MBP: variants seen among roughly 807,000 people sequenced by gnomAD.
MBP encodes myelin basic protein.
In MBP, 16 loss-of-function variants were observed where a neutral mutation model predicts 35.8. That is an observed-to-expected ratio of 0.45 (90% CI 0.30 to 0.68). The LOEUF (loss-of-function observed/expected upper bound fraction) is 0.68. Ranked by LOEUF, MBP falls within the 30% of genes least tolerant of loss-of-function variation. The probability of loss-of-function intolerance (pLI) is 0.08; values close to 1 mark genes in which losing one functional copy is unlikely to be tolerated. For missense variants in MBP, 380 were observed against 404.7 expected (o/e 0.94, Z 0.52); for synonymous variants, 143 against 159.6 (o/e 0.90, Z 0.78).
intron 4 of MBP, among the ~76,000 whole-genome samples, chr18:76,998,742 T>TGA (rs1970468292): frequency 2.0e-5 from 3 of 152,164 alleles, no homozygotes; most frequent in Middle Eastern, 3.2e-3. Flanking sequence ...AGTACAGCCC[T>TGA]GTGTCTGCCC....
At chr18:77,057,573 G>C (rs1288804197) in intron 3 of MBP, among the ~76,000 whole-genome samples, 1 of 152,196 alleles carries the variant, frequency 6.6e-6, no homozygotes, top group East Asian at 1.9e-4. Context: ...GAAGGACAAG[G>C]AGAGAGGAGC....
At chr18:77,126,890 C>T (rs1399543205) in intron 1 of MBP, among the ~76,000 whole-genome samples, 8 of 152,156 alleles carry the variant, frequency 5.3e-5, no homozygotes, top group Non-Finnish European at 8.8e-5. Context: ...TTAAAGAAGA[C>T]CTAATTACCC....
intron 3 of MBP, among the ~76,000 whole-genome samples, chr18:77,018,534 C>T (rs1024008698): frequency 6.7e-6 from 1 of 149,494 alleles, no homozygotes; most frequent in African/African-American, 2.5e-5. Context: ...TACACACACC[C>T]ACCTACCCAT....
At chr18:77,104,513 G>A (rs1358958615) in intron 2 of MBP, among the ~76,000 whole-genome samples, 4 of 152,202 alleles carry the variant, frequency 2.6e-5, no homozygotes, top group African/African-American at 9.6e-5. Context: ...TTCAGTGTGA[G>A]TTCTTCCAGA....
chr18:76,988,982 C>T lies in MBP; in HGVS notation c.682-70G>A, dbSNP rs563205646. ...CCGCCGTCCATTTCCTAACGGGCTC[C>T]TGCCTGCTGAGGGTGGCTAGCATCC... On this transcript the variant is annotated intron_variant, in intron 5 of 8. Coordinates refer to ENST00000355994, the MANE Select transcript of MBP (RefSeq NM_001025101.2). This position sits in a 1 kb window ranked among gnomAD's most constrained non-coding sequence, Gnocchi z 5.2. The T allele has an allele frequency of 4.1e-5, 60 of 1,477,840 alleles. No individual in the cohort carries two copies. In the East Asian group the frequency reaches 1.1e-3, roughly 27 times the overall value. 91.5% of individuals were successfully genotyped at this position (1,477,840 alleles called of 1,614,324 possible).
chr18:77,128,155 G>A (rs1359940480), intron 1 of MBP, among the ~76,000 whole-genome samples: 5 of 152,158 alleles, frequency 3.3e-5, no homozygotes, highest in Non-Finnish European at 7.3e-5. Context: ...CTGGGTGAAC[G>A]GTTGAACACA....
At chr18:77,104,939 A>T (rs545460559) in intron 2 of MBP, among the ~76,000 whole-genome samples, 21 of 151,670 alleles carry the variant, frequency 1.4e-4, no homozygotes, top group African/African-American at 5.1e-4. Flanking sequence ...TCTTCTTCCT[A>T]ACTCCTTCCC....
intron 2 of MBP, among the ~76,000 whole-genome samples, chr18:77,077,942 A>G (rs1221201100): frequency 6.6e-6 from 1 of 152,224 alleles, no homozygotes; most frequent in East Asian, 1.9e-4. Flanking sequence ...TAATGGAACC[A>G]TCCCTGTGGA....
At chr18:76,995,100 G>A (rs1970196614) in intron 4 of MBP, among the ~76,000 whole-genome samples, 2 of 152,230 alleles carry the variant, frequency 1.3e-5, no homozygotes, top group South Asian at 2.1e-4. Flanking sequence ...ACATATAATA[G>A]CATCAAGGAA....
intron 3 of MBP, among the ~76,000 whole-genome samples, chr18:77,027,203 G>A (rs1056120632): frequency 6.6e-6 from 1 of 151,950 alleles, no homozygotes; most frequent in South Asian, 2.1e-4. Context: ...TAAAAAAAAA[G>A]CAGACAACTA....
At chr18:76,996,184 C>T (rs79675531) in intron 4 of MBP, among the ~76,000 whole-genome samples, 1 of 152,224 alleles carries the variant, frequency 6.6e-6, no homozygotes, top group East Asian at 1.9e-4. Flanking sequence ...GCCAACATTC[C>T]CAAGTGCTGG....
At chr18:77,064,187 T>C (rs1974097581) in intron 3 of MBP, among the ~76,000 whole-genome samples, 3 of 152,346 alleles carry the variant, frequency 2.0e-5, no homozygotes, top group Non-Finnish European at 4.4e-5. Flanking sequence ...TAGAGTTTTA[T>C]AGGCAGATTT....
At chr18:77,051,916 A>G (rs1162863832) in intron 3 of MBP, among the ~76,000 whole-genome samples, 1 of 152,144 alleles carries the variant, frequency 6.6e-6, no homozygotes, top group Non-Finnish European at 1.5e-5. Flanking sequence ...TTCTTTGTAG[A>G]AGCGAGGCCC....
chr18:76,993,794 C>T (rs945758077), intron 4 of MBP, among the ~76,000 whole-genome samples: 1 of 152,150 alleles, frequency 6.6e-6, no homozygotes, highest in Non-Finnish European at 1.5e-5. Flanking sequence ...TTTACTGACA[C>T]CTCCACCTTC....
intron 3 of MBP, among the ~76,000 whole-genome samples, chr18:77,049,028 TC>T (rs1422510607): frequency 6.6e-6 from 1 of 152,100 alleles, no homozygotes; most frequent in East Asian, 1.9e-4. Flanking sequence ...CAGGCCATTC[TC>T]CTGTCCCAGC....
chr18:77,098,630 A>T (rs990873848), intron 2 of MBP, among the ~76,000 whole-genome samples: 1 of 152,186 alleles, frequency 6.6e-6, no homozygotes, highest in African/African-American at 2.4e-5. Context: ...GATAAATGTC[A>T]TGACACCTGC....
At chr18:77,068,941 C>A (rs989801799) in intron 2 of MBP, 3 of 460,750 alleles carry the variant, frequency 6.5e-6, no homozygotes, top group African/African-American at 6.0e-5. Context: ...CGGAGCTGAG[C>A]CTTGGGGGCC....
intron 2 of MBP, among the ~76,000 whole-genome samples, chr18:77,079,258 G>A (rs1275331576): frequency 2.6e-5 from 4 of 152,214 alleles, no homozygotes; most frequent in African/African-American, 7.2e-5. Flanking sequence ...TTGGAGGGAC[G>A]CTGAGCTCTT....
At chr18:77,068,402 G>A (rs562470454) in intron 2 of MBP, among the ~76,000 whole-genome samples, 1 of 122,318 alleles carries the variant, frequency 8.2e-6, no homozygotes, top group South Asian at 2.8e-4. Flanking sequence ...CCCAGATGAC[G>A]AGGAAGTCCC....
Sources: allele counts gnomAD v4.1 joint callset (sites outside exome capture counted in the v4.1 genomes callset), GRCh38; gene constraint gnomAD v4.1.1; non-coding constraint Gnocchi (gnomAD v3.1); transcripts MANE v1.5; gene names NCBI Gene and HGNC (gene_info 2026-07-23, HGNC 2026-07-21).